KIF14: variants seen among roughly 807,000 people sequenced by gnomAD.
KIF14 encodes the protein kinesin-like protein KIF14.
KIF14 carries 98 observed loss-of-function variants against 176.2 expected under a neutral mutation model. The observed-to-expected ratio is 0.56, with a 90% CI of 0.47 to 0.66. The LOEUF is 0.66. Among genes scored for constraint, KIF14 ranks in the 30% least tolerant of loss-of-function variants. KIF14 has a pLI of 0.00. For synonymous variants in KIF14, 566 were observed against 632.2 expected, an observed-to-expected ratio of 0.90 and a Z score of 1.57; for missense variants, 1,751 against 1,920.4, an observed-to-expected ratio of 0.91 and a Z score of 1.65.
chr1:200,591,440 A>T (rs779646611), intron 16 of KIF14, among the ~76,000 whole-genome samples: 13 of 152,366 alleles, frequency 8.5e-5, no homozygotes, highest in South Asian at 4.1e-4. Flanking sequence ...AATTCTGATT[A>T]TGAGTGTCTC....
At position 200,575,695 on chromosome 1, in the gene KIF14, AG is replaced by A; in HGVS notation, c.3466-5del. The A allele has an allele frequency of 6.8e-7, 1 of 1,478,500 alleles. No homozygotes were observed. Among genetic ancestry groups the A allele is most frequent in the Non-Finnish European group, 9.2e-7 (1 of 1,091,692 alleles). The allele number at this position is 1,478,500 out of a possible 1,614,324, so 91.6% of individuals were successfully genotyped here. A position where few individuals can be genotyped will look rare whatever the true frequency, so the allele number is the denominator to read the frequency against. On this transcript the variant is annotated splice_polypyrimidine_tract_variant and splice_region_variant and intron_variant, in intron 21 of 29. Coordinates refer to ENST00000367350, the MANE Select transcript of KIF14 (RefSeq NM_014875.3). ...CACCCCTGTTACTACCATTACTCTA[AG>A]AAAAATATAATATATAGTTTCAGTA...
intron 17 of KIF14, among the ~76,000 whole-genome samples, chr1:200,589,899 C>T (rs777446833): frequency 3.3e-5 from 5 of 151,822 alleles, no homozygotes; most frequent in African/African-American, 9.7e-5. Context: ...GTAATCTGCC[C>T]GCCTTGGCCT....
chr1:200,563,889 T>C (rs993689688), intron 25 of KIF14, among the ~76,000 whole-genome samples: 2 of 152,126 alleles, frequency 1.3e-5, no homozygotes, highest in Non-Finnish European at 2.9e-5. Flanking sequence ...TGCAGCTAGA[T>C]GTAGTCAAAT....
In KIF14 at chr1:200,562,052, T is replaced by C. The variant is rs563587937; in HGVS notation, c.4072-1172A>G. Among the ~76,000 whole-genome samples the C allele has an allele frequency of 1.2e-4, 19 of 152,356 alleles. 1 individual carries two copies. The highest frequency in any genetic ancestry group is 1.2e-3 in the South Asian group (6 of 4,832). On this transcript the variant is annotated intron_variant, in intron 25 of 29. Coordinates refer to ENST00000367350, the MANE Select transcript of KIF14 (RefSeq NM_014875.3). ...TTTCTTCTTTCTGTTACCTGCCCCC[T>C]GTAGTGTCTCTTCAAAATATTTCTC...
chr1:200,573,738 T>C (rs1308068669), intron 22 of KIF14, among the ~76,000 whole-genome samples: 1 of 152,218 alleles, frequency 6.6e-6, no homozygotes, highest in Non-Finnish European at 1.5e-5. Flanking sequence ...AAAGTTGCTA[T>C]AAAATAGTTT....
intron 21 of KIF14, among the ~76,000 whole-genome samples, chr1:200,579,555 G>A (rs1349516049): frequency 1.3e-5 from 2 of 152,054 alleles, no homozygotes; most frequent in African/African-American, 2.4e-5. Flanking sequence ...GTTGCAGTGA[G>A]CTGAGATTGC....
At chr1:200,591,249 C>T (rs546828329) in intron 16 of KIF14, among the ~76,000 whole-genome samples, 1 of 152,286 alleles carries the variant, frequency 6.6e-6, no homozygotes, top group South Asian at 2.1e-4. Flanking sequence ...GATTCCTCCT[C>T]CTTTCATCCT....
rs758740655 is a variant in KIF14, at chr1:200,617,682, C to T, written c.1042G>A (p.Gly348Arg). The change falls in exon 2 of 30, where the codon GGA becomes AGA. Residue 348 changes from glycine to arginine, a missense_variant. Physicochemically the swap from Gly to Arg is moderately radical, Grantham distance 125 (BLOSUM62 -2). Transcript: ENST00000367350. ...TTCTCTACTTTTAAGGGGTCTTTTC[C>T]TGCAGAGGTGTTCTGAACTACAGTT... ...EETVVQNTSA[G>R]KDPLKVENSQ... 11 of 1,614,152 alleles carry T rather than the reference C, an allele frequency of 6.8e-6. No homozygotes were observed. The highest frequency in any genetic ancestry group is 9.3e-6 in the Non-Finnish European group (11 of 1,180,006).
At chr1:200,614,257 T>C in intron 4 of KIF14, 61 bp downstream of exon 4, 1 of 897,948 alleles carries the variant, frequency 1.1e-6, no homozygotes, top group Non-Finnish European at 1.8e-6. Flanking sequence ...ATGACTGATT[T>C]GAACTTGATT....
Position 200,600,044 on chromosome 1 carries a change from T to G in KIF14, c.2364+6A>C. On this transcript the variant is annotated splice_donor_region_variant and intron_variant, in intron 13 of 29. Transcript: ENST00000367350. ...TTCTAATCAGTTTAGAAAGTTGAAATAATACCTGTAACTCTTTTGTTTCTT... is the reference window on the plus strand; with the variant it reads ...TTCTAATCAGTTTAGAAAGTTGAAAGAATACCTGTAACTCTTTTGTTTCTT... 1 of 1,524,580 alleles carries G rather than the reference T, an allele frequency of 6.6e-7. No homozygotes were observed. Among genetic ancestry groups the G allele is most frequent in the Non-Finnish European group, 9.0e-7 (1 of 1,107,368 alleles). 94.4% of individuals were successfully genotyped at this position (1,524,580 alleles called of 1,614,324 possible). A position where few individuals can be genotyped will look rare whatever the true frequency, so the allele number is the denominator to read the frequency against.
intron 13 of KIF14, 106 bp from the exon 14 acceptor site, chr1:200,598,527 G>A: frequency 1.5e-6 from 1 of 663,002 alleles, no homozygotes; most frequent in Non-Finnish European, 2.4e-6. Flanking sequence ...TCTATATGAA[G>A]TCTCACTAAA....
Position 200,617,617 on chromosome 1 carries a change from G to T in KIF14, c.1107C>A (p.Thr369=), listed in dbSNP as rs1428429697. 6.3e-7 allele frequency: 1 copy of T among 1,597,866 alleles called. No individual in the cohort carries two copies. Among genetic ancestry groups the T allele is most frequent in the South Asian group, 1.1e-5 (1 of 89,432 alleles). ...VTVAVRVRPF[T]KREKIEKASQ... ...TTTTAAAAGGCATCACATACCTCTT[G>T]GTGAAAGGTCTTACGCGTACTGCCA... Residue 369 remains threonine, a synonymous_variant, in exon 2 of 30, where the codon ACC becomes ACA. Transcript: ENST00000367350.
intron 14 of KIF14, among the ~76,000 whole-genome samples, chr1:200,594,368 C>CAAAAA (rs371729211): frequency 1.1e-4 from 10 of 92,470 alleles, no homozygotes; most frequent in Non-Finnish European, 1.2e-4. Flanking sequence ...CCCAAAAATT[C>CAAAAA]AAAAAAAAAA....
At chr1:200,609,635 T>C (rs2808239) in intron 4 of KIF14, among the ~76,000 whole-genome samples, 143,053 of 152,112 alleles carry the variant, frequency 0.94, 67,367 homozygotes, top group Middle Eastern at 0.98. Flanking sequence ...GGCGACAGAG[T>C]GAGACTCCAT....
intron 22 of KIF14, among the ~76,000 whole-genome samples, chr1:200,575,207 C>T (rs1011969411): frequency 7.2e-5 from 11 of 151,998 alleles, no homozygotes; most frequent in African/African-American, 7.3e-5. Flanking sequence ...CCACCCACCT[C>T]GGCCTCCCAA....
At position 200,589,158 on chromosome 1, in the gene KIF14, GA is replaced by G. The variant is rs75692846; in HGVS notation, c.3114+58del. The stretch of plus-strand genomic sequence containing the variant: ...TCAACATACCATAAGCCACTTCTTT[GA>G]AAAAAAAAATCCAGCTTTTTCTCAG... On this transcript the variant is annotated intron_variant, in intron 18 of 29. Coordinates refer to ENST00000367350, the MANE Select transcript of KIF14 (RefSeq NM_014875.3). 0.092 allele frequency: 122,949 copies of G among 1,343,578 alleles called. 5,199 individuals are homozygous for G. Among genetic ancestry groups the G allele is most frequent in the South Asian group, 0.1 (7,277 of 71,072 alleles). 83.2% of individuals were successfully genotyped at this position (1,343,578 alleles called of 1,614,324 possible).
intron 12 of KIF14, 75 bp from the exon 13 acceptor site, chr1:200,600,188 T>A: frequency 4.0e-6 from 5 of 1,259,430 alleles, no homozygotes; most frequent in Non-Finnish European, 5.7e-6. Flanking sequence ...AGACAATCAA[T>A]GAAAATTAGG....
intron 1 of KIF14, 87 bp from the exon 2 acceptor site, chr1:200,618,925 TCCCA>T (rs1165224675): frequency 7.9e-6 from 4 of 507,194 alleles, no homozygotes; most frequent in African/African-American, 1.9e-5. Context: ...GTAAGTAAAT[TCCCA>T]GAGGCATACA....
rs138960952 is a variant in KIF14 at position 200,600,385 on chromosome 1, T to C, written c.2271A>G (p.Gln757=). Residue 757 remains glutamine (Q), a synonymous_variant, in exon 12 of 30, where the codon CAA becomes CAG. Coordinates refer to ENST00000367350, the MANE Select transcript of KIF14 (RefSeq NM_014875.3). ...EITSLRMKLH[Q]QERDMAEMQR... is the part of the protein sequence containing the mutation. ...GCATTTCTGCCATGTCTCTCTCCTG[T>C]TGATGCAGTTTCATTCTTAAGGATG... 6 of 1,613,956 alleles carry C rather than the reference T, an allele frequency of 3.7e-6. No homozygotes were observed. Among genetic ancestry groups the C allele is most frequent in the African/African-American group, 2.7e-5 (2 of 75,054 alleles).
Sources: allele counts gnomAD v4.1 joint callset (sites outside exome capture counted in the v4.1 genomes callset), GRCh38; gene constraint gnomAD v4.1.1; transcripts MANE v1.5; gene names NCBI Gene and HGNC (gene_info 2026-07-23, HGNC 2026-07-21).